The following ZNF106 variants were observed in gnomAD, a reference collection of about 807,000 sequenced individuals.
ZNF106 encodes the protein SH3-domain binding protein 3.
ZNF106 carries 67 observed loss-of-function variants against 195.1 expected under a neutral mutation model. The observed-to-expected ratio is 0.34, with a 90% CI of 0.28 to 0.42. The LOEUF (loss-of-function observed/expected upper bound fraction) is 0.42, where lower values mean the gene tolerates loss of function less well. ZNF106 is among the 10% of genes least tolerant of loss of function. The pLI is 1.00. For synonymous variants in ZNF106, 784 were observed against 818.6 expected (o/e 0.96, Z 0.72); for missense variants, 2,118 against 2,304.5 (o/e 0.92, Z 1.66).
At chr15:42,472,683 A>T (rs2056701977) in intron 1 of ZNF106, among the ~76,000 whole-genome samples, 1 of 152,208 alleles carries the variant, frequency 6.6e-6, no homozygotes, top group African/African-American at 2.4e-5. Flanking sequence ...TTTTGAGAGT[A>T]GCCAAAGATT....
chr15:42,424,879 G>C lies in ZNF106; in HGVS notation c.5145C>G (p.Leu1715=). The change falls in exon 16 of 22, where the codon CTC becomes CTG. Residue 1715 remains leucine, a synonymous_variant. Transcript: ENST00000564754. ...TGCTATGGCCCTCCAGAGTTCTGAG[G>C]AGCAGTCCATTCCGGGCATCGCGTA... ...ISVRDARNGL[L]LRTLEGHSKT... 6.2e-7 allele frequency: 1 copy of C among 1,614,138 alleles called. No individual in the cohort carries two copies. Among genetic ancestry groups the C allele is most frequent in the South Asian group, 1.1e-5 (1 of 91,078 alleles).
chr15:42,419,063 C>CCA (rs1555424598), intron 20 of ZNF106, among the ~76,000 whole-genome samples: 3 of 105,786 alleles, frequency 2.8e-5, no homozygotes, highest in Non-Finnish European at 5.9e-5. Flanking sequence ...CTTTCTCTAC[C>CCA]AAAAAAAAAA....
chr15:42,420,484 G>A (rs1241506634), intron 20 of ZNF106, among the ~76,000 whole-genome samples: 1 of 152,096 alleles, frequency 6.6e-6, no homozygotes, highest in East Asian at 1.9e-4. Context: ...TAAGCTGTGG[G>A]CAAGCGTAAA....
At chr15:42,442,015 T>C in intron 10 of ZNF106, 58 bp downstream of exon 10, 2 of 1,404,534 alleles carry the variant, frequency 1.4e-6, no homozygotes, top group Non-Finnish European at 1.9e-6. Context: ...ATCACTCATA[T>C]AAAAATGCCC....
chr15:42,446,744 C>A, intron 6 of ZNF106, 86 bp from the exon 7 acceptor site: 1 of 1,169,584 alleles, frequency 8.6e-7, no homozygotes. Context: ...CTAAGATAGC[C>A]ATACACTGTT....
chr15:42,418,054 C>A, intron 20 of ZNF106, 103 bp from the exon 21 acceptor site: 3 of 1,212,342 alleles, frequency 2.5e-6, no homozygotes, highest in East Asian at 2.9e-5. Context: ...AAGCAAAAAG[C>A]CAGCCCCTTA....
chr15:42,446,854 A>T (rs1036572814), intron 6 of ZNF106, among the ~76,000 whole-genome samples, 196 bp from the exon 7 acceptor site: 20 of 152,248 alleles, frequency 1.3e-4, no homozygotes, highest in Non-Finnish European at 1.9e-4. Flanking sequence ...TTAAAAAAAA[A>T]GAATCCAGGG....
rs575134020 is a variant in ZNF106, at chr15:42,415,417, C to T, written c.*1887G>A. ...GATTACAGGTGTGAGCCACCAGGCC[C>T]GGCCTCCTAGATTAATTCTTGACAT... On this transcript the variant is annotated 3_prime_UTR_variant, in exon 22 of 22. Transcript: ENST00000564754. The T allele has an allele frequency of 9.2e-5, 42 of 454,616 alleles. No individual in the cohort carries two copies. Among genetic ancestry groups the T allele is most frequent in the African/African-American group, 3.4e-4 (17 of 49,954 alleles). The allele number at this position is 454,616 out of a possible 1,614,324, so 28.2% of individuals were successfully genotyped here.
rs988276179 is a variant in ZNF106, at chr15:42,415,579, A to G, written c.*1725T>C. The G allele has an allele frequency of 6.9e-6, 3 of 435,398 alleles. No individual in the cohort carries two copies. The highest frequency in any genetic ancestry group is 1.4e-5 in the Non-Finnish European group (3 of 216,868). 27.0% of individuals were successfully genotyped at this position (435,398 alleles called of 1,614,324 possible). A position where few individuals can be genotyped will look rare whatever the true frequency, so the allele number is the denominator to read the frequency against. On this transcript the variant is annotated 3_prime_UTR_variant, in exon 22 of 22. Coordinates refer to ENST00000564754, the MANE Select transcript of ZNF106 (RefSeq NM_001366845.3). ...CCCCCTGGTGAAGTCCCCCTGCCCG[A>G]TAGCCTGAGGGAAGACATGTGAGTG...
chr15:42,470,386 T>C (rs2056639210), intron 2 of ZNF106, among the ~76,000 whole-genome samples: 1 of 152,044 alleles, frequency 6.6e-6, no homozygotes, highest in South Asian at 2.1e-4. Flanking sequence ...CAGTTATCCC[T>C]TCCAACTAAC....
chr15:42,458,326 C>A (rs899372523), intron 3 of ZNF106, among the ~76,000 whole-genome samples: 1 of 151,210 alleles, frequency 6.6e-6, no homozygotes, highest in East Asian at 2.0e-4. Flanking sequence ...GAATTTACAT[C>A]AACCAGAAGA....
chr15:42,417,775 C>T (rs1369089921), intron 21 of ZNF106, 30 bp downstream of exon 21: 1 of 1,596,366 alleles, frequency 6.3e-7, no homozygotes, highest in African/African-American at 1.4e-5. Flanking sequence ...CTACTGAATC[C>T]CAGGCAAACC....
chr15:42,478,536 G>GTGT (rs2056834247), intron 1 of ZNF106, among the ~76,000 whole-genome samples: 2 of 105,396 alleles, frequency 1.9e-5, no homozygotes, highest in East Asian at 2.7e-4. Context: ...TTTTTTTTGA[G>GTGT]ACACAGTCTT....
At chr15:42,447,687 C>T (rs2055823802) in intron 6 of ZNF106, among the ~76,000 whole-genome samples, 1 of 152,238 alleles carries the variant, frequency 6.6e-6, no homozygotes, top group Non-Finnish European at 1.5e-5. Context: ...CTGAATCCAG[C>T]AATCATCCAT....
At chr15:42,479,862 T>A (rs562798417) in intron 1 of ZNF106, among the ~76,000 whole-genome samples, 1 of 152,026 alleles carries the variant, frequency 6.6e-6, no homozygotes, top group East Asian at 1.9e-4. Flanking sequence ...TAAATAAAAA[T>A]AAATAAAGAC....
At position 42,437,216 on chromosome 15, in the gene ZNF106, T is replaced by C. The variant is rs199770945; in HGVS notation, c.4746+16A>G. ...AACCTGCAACCAAAAACATTCTACA[T>C]GTTCTATCAACTTACCACCAGATTA... On this transcript the variant is annotated intron_variant, in intron 13 of 21. Coordinates refer to ENST00000564754, the MANE Select transcript of ZNF106 (RefSeq NM_001366845.3). 1 of 1,602,576 alleles carries C rather than the reference T, an allele frequency of 6.2e-7. No individual in the cohort carries two copies. The highest frequency in any genetic ancestry group is 1.3e-5 in the African/African-American group (1 of 74,512).
At chr15:42,444,368 C>G in intron 8 of ZNF106, 106 bp from the exon 9 acceptor site, 1 of 845,006 alleles carries the variant, frequency 1.2e-6, no homozygotes, top group East Asian at 2.7e-5. Context: ...AGTGTCTTGA[C>G]TGCTCTGTGA....
At position 42,422,111 on chromosome 15, in the gene ZNF106, G is replaced by A. The variant is rs575090195; in HGVS notation, c.5374-123C>T. On this transcript the variant is annotated intron_variant, in intron 18 of 21. Coordinates refer to ENST00000564754, the MANE Select transcript of ZNF106 (RefSeq NM_001366845.3). ...GAGGCGCCAAGTGGAAGCACCAGTAGCATTCTAACAGAAATATAATCTAAT... is the reference window on the plus strand; with the variant it reads ...GAGGCGCCAAGTGGAAGCACCAGTAACATTCTAACAGAAATATAATCTAAT... 5.1e-4 allele frequency: 348 copies of A among 685,700 alleles called. 4 individuals carry two copies. In the South Asian group the frequency reaches 0.011, roughly 21 times the overall value. The allele number at this position is 685,700 out of a possible 1,614,324, so 42.5% of individuals were successfully genotyped here.
rs754292732 is a variant in ZNF106, at chr15:42,448,103, T to G, written c.3104A>C (p.Gln1035Pro). Residue 1035 changes from glutamine to proline, a missense_variant, in exon 6 of 22, where the codon CAA becomes CCA. Gln to Pro is a moderately conservative substitution (Grantham distance 76). Transcript: ENST00000564754. ...GGCTCTTCGTTTCTTTCTAATACTT[T>G]GGCCATCATTTTGTTCAGCACCAGA... ...CTSGAEQNDGQSIRKKRRATG... is the reference protein window; with the variant it reads ...CTSGAEQNDGPSIRKKRRATG... 6.2e-7 allele frequency: 1 copy of G among 1,613,802 alleles called. No individual in the cohort carries two copies. The highest frequency in any genetic ancestry group is 2.2e-5 in the East Asian group (1 of 44,886).
Sources: allele counts gnomAD v4.1 joint callset (sites outside exome capture counted in the v4.1 genomes callset), GRCh38; gene constraint gnomAD v4.1.1; transcripts MANE v1.5; gene names NCBI Gene and HGNC (gene_info 2026-07-23, HGNC 2026-07-21).